The following ITIH2 variants were observed in gnomAD, a reference collection of about 807,000 sequenced individuals.
ITIH2 encodes the protein inter-alpha-trypsin inhibitor heavy chain 2.
Under a neutral mutation model 104.4 loss-of-function variants are expected in ITIH2, and 103 were observed. That is an observed-to-expected ratio of 0.99 (90% CI 0.84 to 1.16). The LOEUF is 1.16. ITIH2 is among the 50% of genes most tolerant of loss of function. The pLI is 0.00. For missense variants in ITIH2, 1,108 were observed against 1,162.4 expected (o/e 0.95, Z 0.68); for synonymous variants, 436 against 435.4 (o/e 1.00, Z -0.02).
chr10:7,723,340 C>T, intron 8 of ITIH2, 111 bp from the exon 9 acceptor site: 1 of 741,686 alleles, frequency 1.3e-6, no homozygotes, highest in South Asian at 1.6e-5. Flanking sequence ...ACATCAAGCT[C>T]CGCCTCCTCC....
rs1205471919 is a variant in ITIH2 at position 7,744,884 on chromosome 10, G to A, written c.2502G>A (p.Lys834=). Residue 834 remains lysine, a synonymous_variant, in exon 19 of 21, where the codon AAG becomes AAA. Coordinates refer to ENST00000358415, the MANE Select transcript of ITIH2 (RefSeq NM_002216.3). ...TTTTACTTCATCGTGTTTGGAAGAA[G>A]CATCCCGTCAATGTTGACTTTCTGG... ...FSVLLHRVWK[K]HPVNVDFLGI... 2 of 1,614,020 alleles carry A rather than the reference G, an allele frequency of 1.2e-6. No homozygotes were observed. Among genetic ancestry groups the A allele is most frequent in the African/African-American group, 2.7e-5 (2 of 74,908 alleles).
At chr10:7,719,571 G>T (rs1026119201) in intron 6 of ITIH2, among the ~76,000 whole-genome samples, 2 of 151,898 alleles carry the variant, frequency 1.3e-5, no homozygotes, top group Admixed American at 1.3e-4. Context: ...AGCCTGGGCA[G>T]CACAGCGATA....
intron 7 of ITIH2, 43 bp downstream of exon 7, chr10:7,721,006 T>C (rs371322776): frequency 5.0e-6 from 6 of 1,197,730 alleles, no homozygotes; most frequent in African/African-American, 1.5e-5. Flanking sequence ...ACAGGGCCTC[T>C]GGATTGTGGG....
In ITIH2 at chr10:7,732,401, A is replaced by C. The variant is rs138441817; in HGVS notation, c.1711A>C (p.Lys571Gln). 7 of 1,614,028 alleles carry C rather than the reference A, an allele frequency of 4.3e-6. No individual in the cohort carries two copies. Among genetic ancestry groups the C allele is most frequent in the Non-Finnish European group, 5.9e-6 (7 of 1,180,026 alleles). ...QMDDLQDFLS[K>Q]DKHADPDFTR... ...GGACGACTTGCAGGATTTTCTATCGAAAGACAAGCATGCAGATCCCGATTT... is the reference window on the plus strand; with the variant it reads ...GGACGACTTGCAGGATTTTCTATCGCAAGACAAGCATGCAGATCCCGATTT... Residue 571 changes from lysine to glutamine, a missense_variant, in exon 14 of 21, where the codon AAA (lysine) becomes CAA (glutamine). Transcript: ENST00000358415.
intron 20 of ITIH2, among the ~76,000 whole-genome samples, chr10:7,748,521 C>CTT (rs549517172): frequency 0.04 from 1,076 of 27,108 alleles, 425 homozygotes; most frequent in Non-Finnish European, 0.047. Flanking sequence ...CCAATGCATT[C>CTT]TTTTTTTTTT....
At chr10:7,704,498 A>T (rs995755512) in intron 1 of ITIH2, among the ~76,000 whole-genome samples, 1 of 152,202 alleles carries the variant, frequency 6.6e-6, no homozygotes, top group Non-Finnish European at 1.5e-5. Flanking sequence ...GTCCAGTCAG[A>T]CACTGCAAAT....
rs185210376 is a variant in ITIH2, at chr10:7,746,233, G to C, written c.2582-360G>C. Among the ~76,000 whole-genome samples, 477 of 151,718 alleles carry C rather than the reference G, an allele frequency of 3.1e-3. 3 individuals are homozygous for C. Among genetic ancestry groups the C allele is most frequent in the Middle Eastern group, 0.02 (6 of 294 alleles). On this transcript the variant is annotated intron_variant, in intron 19 of 20. Transcript: ENST00000358415. Reference sequence around the variant, plus strand: ...CCCTGTCTCTACAAAAAATTAGCCAGGCGTAGTGGCTCACGCCTGTGGTCC... The same window carrying C: ...CCCTGTCTCTACAAAAAATTAGCCACGCGTAGTGGCTCACGCCTGTGGTCC...
chr10:7,705,007 A>C, intron 1 of ITIH2, 101 bp from the exon 2 acceptor site: 2 of 703,102 alleles, frequency 2.8e-6, no homozygotes, highest in Non-Finnish European at 4.8e-6. Context: ...CCAACATGGC[A>C]CATGTATACC....
At chr10:7,739,042 G>T (rs1049916653) in intron 16 of ITIH2, among the ~76,000 whole-genome samples, 1 of 152,220 alleles carries the variant, frequency 6.6e-6, no homozygotes, top group Admixed American at 6.5e-5. Flanking sequence ...CCAGGAAAAT[G>T]TATTTCTTTG....
chr10:7,727,562 A>G, intron 10 of ITIH2, 141 bp from the exon 11 acceptor site: 2 of 982,422 alleles, frequency 2.0e-6, no homozygotes, highest in Non-Finnish European at 3.1e-6. Context: ...AGTTTGTGTC[A>G]CTCAGAAAGC....
chr10:7,738,500 C>A, intron 15 of ITIH2, 121 bp from the exon 16 acceptor site: 2 of 1,105,800 alleles, frequency 1.8e-6, no homozygotes, highest in Non-Finnish European at 2.7e-6. Flanking sequence ...GGAATAAAAA[C>A]AGAGGAGAAA....
intron 4 of ITIH2, among the ~76,000 whole-genome samples, chr10:7,709,911 T>A (rs1222317115): frequency 6.6e-6 from 1 of 152,160 alleles, no homozygotes; most frequent in Non-Finnish European, 1.5e-5. Context: ...TGGAGTGCAG[T>A]GGCGTGATCT....
At chr10:7,713,146 T>C in intron 4 of ITIH2, 35 bp from the exon 5 acceptor site, 1 of 1,527,702 alleles carries the variant, frequency 6.5e-7, no homozygotes. Context: ...AAGATTACTA[T>C]TCTGACCAAC....
chr10:7,714,257 CG>C (rs1415640364), intron 5 of ITIH2, among the ~76,000 whole-genome samples: 1 of 148,860 alleles, frequency 6.7e-6, no homozygotes, highest in Non-Finnish European at 1.5e-5. Context: ...CTGCAAGCTC[CG>C]CCCCCCGGGT....
At chr10:7,743,957 A>T (rs1486807467) in intron 17 of ITIH2, 125 bp from the exon 18 acceptor site, 2 of 565,182 alleles carry the variant, frequency 3.5e-6, no homozygotes, top group Non-Finnish European at 6.0e-6. Context: ...TGTTAATGTA[A>T]ATCTTGAAGC....
chr10:7,723,429 A>T (rs368004353), intron 8 of ITIH2, 22 bp from the exon 9 acceptor site: 58 of 1,449,842 alleles, frequency 4.0e-5, no homozygotes, highest in Admixed American at 1.3e-4. Context: ...GATTTGACTC[A>T]CAAATACCTT....
At chr10:7,725,660 A>G (rs1319588782) in intron 9 of ITIH2, among the ~76,000 whole-genome samples, 4 of 152,250 alleles carry the variant, frequency 2.6e-5, no homozygotes, top group Non-Finnish European at 5.9e-5. Context: ...GTAATCAGAC[A>G]TTGCAGGGAA....
rs778500218 is a variant in ITIH2 at position 7,703,515 on chromosome 10, T to C, written c.81T>C (p.Ser27=). 6.9e-6 allele frequency: 11 copies of C among 1,600,588 alleles called. No individual in the cohort carries two copies. The highest frequency in any genetic ancestry group is 9.4e-6 in the Non-Finnish European group (11 of 1,167,920). The change falls in exon 1 of 21, where the codon TCT becomes TCC. Residue 27 remains serine, a synonymous_variant. Coordinates refer to ENST00000358415, the MANE Select transcript of ITIH2 (RefSeq NM_002216.3). ...TCGAAATCCCCATAAATGGACTTTC[T>C]GAAGTAAGTACTTACAGATCACTCC... is the stretch of plus-strand genomic sequence containing the variant. ...SGFEIPINGL[S]EFVDYEDLVE...
chr10:7,744,677 T>A, intron 18 of ITIH2, 114 bp from the exon 19 acceptor site: 1 of 831,916 alleles, frequency 1.2e-6, no homozygotes, highest in Non-Finnish European at 1.9e-6. Context: ...AGCGCTTAGA[T>A]AACTAGCGGA....
Sources: allele counts gnomAD v4.1 joint callset (sites outside exome capture counted in the v4.1 genomes callset), GRCh38; gene constraint gnomAD v4.1.1; transcripts MANE v1.5; gene names NCBI Gene and HGNC (gene_info 2026-07-23, HGNC 2026-07-21).